The following DNAH14 variants were observed in gnomAD, a reference collection of about 807,000 sequenced individuals.
DNAH14 encodes dynein axonemal heavy chain 14, also known as axonemal beta dynein heavy chain 14.
DNAH14 carries 478 observed loss-of-function variants against 520.9 expected under a neutral mutation model. That is an observed-to-expected ratio of 0.92 (90% CI 0.85 to 0.99). The LOEUF is 0.99. Among genes scored for constraint, DNAH14 ranks in the 50% least tolerant of loss-of-function variants. The pLI is 0.00. For synonymous variants in DNAH14, 1,581 were observed against 1,757.2 expected (o/e 0.90, Z 2.51); for missense variants, 4,831 against 5,234.5 (o/e 0.92, Z 2.38).
At chr1:225,181,493 T>C (rs1375518270) in intron 36 of DNAH14, among the ~76,000 whole-genome samples, 1 of 152,170 alleles carries the variant, frequency 6.6e-6, no homozygotes, top group Non-Finnish European at 1.5e-5. Flanking sequence ...AGCATATGTT[T>C]TTGTTTTACA....
intron 68 of DNAH14, among the ~76,000 whole-genome samples, chr1:225,338,517 C>T (rs994710500): frequency 1.3e-5 from 2 of 151,852 alleles, no homozygotes; most frequent in South Asian, 2.1e-4. Flanking sequence ...TTTATTTGGG[C>T]GAGAAAAGTT....
chr1:225,106,683 G>A (rs577889118), intron 23 of DNAH14, among the ~76,000 whole-genome samples: 1 of 152,258 alleles, frequency 6.6e-6, no homozygotes, highest in Non-Finnish European at 1.5e-5. Flanking sequence ...GGCTACTGAG[G>A]CTTGTGCATT....
intron 17 of DNAH14, among the ~76,000 whole-genome samples, chr1:225,058,785 T>C (rs1337975022): frequency 6.6e-6 from 1 of 152,216 alleles, no homozygotes; most frequent in African/African-American, 2.4e-5. Context: ...CATTTCGTTA[T>C]GTACCCAGTA....
chr1:225,127,004 G>T (rs1265480510), intron 27 of DNAH14, among the ~76,000 whole-genome samples: 1 of 151,424 alleles, frequency 6.6e-6, no homozygotes, highest in Non-Finnish European at 1.5e-5. Context: ...CAGTTTCCAT[G>T]TAGTTGAGCG....
intron 15 of DNAH14, among the ~76,000 whole-genome samples, chr1:225,047,370 A>T (rs1273061597): frequency 6.6e-6 from 1 of 152,180 alleles, no homozygotes; most frequent in Non-Finnish European, 1.5e-5. Flanking sequence ...TGGTTCAATC[A>T]ATGACAGACC....
At chr1:224,955,960 C>T (rs2501064) in intron 3 of DNAH14, among the ~76,000 whole-genome samples, 22,952 of 151,960 alleles carry the variant, frequency 0.15, 3,209 homozygotes, top group African/African-American at 0.36. Context: ...TTCATTCTAC[C>T]GATAAGACTC....
intron 10 of DNAH14, among the ~76,000 whole-genome samples, chr1:225,013,394 G>A (rs1420302375): frequency 2.6e-5 from 4 of 152,174 alleles, no homozygotes; most frequent in Non-Finnish European, 5.9e-5. Flanking sequence ...TGTATGAGGT[G>A]TCTGTCGACC....
chr1:225,207,469 C>G (rs1478028116), intron 41 of DNAH14, among the ~76,000 whole-genome samples: 1 of 152,058 alleles, frequency 6.6e-6, no homozygotes, highest in African/African-American at 2.4e-5. Context: ...TAGAGGGTCT[C>G]TATTAAAGAA....
In DNAH14 at chr1:225,271,997, A is replaced by T. The variant is rs1574432830; in HGVS notation, c.7763A>T (p.Tyr2588Phe). The T allele has an allele frequency of 6.4e-7, 1 of 1,550,782 alleles. No homozygotes were observed. Among genetic ancestry groups the T allele is most frequent in the Middle Eastern group, 1.7e-4 (1 of 5,976 alleles). Residue 2588 changes from tyrosine (Y) to phenylalanine (F), a missense_variant, in exon 51 of 86, where the codon TAC becomes TTC. Physicochemically the swap from Tyr to Phe is conservative, Grantham distance 22. Coordinates refer to ENST00000682510, the MANE Select transcript of DNAH14 (RefSeq NM_001367479.1). Reference sequence around the variant, plus strand: ...ATAATATCTTGTTCCCTAGCTATATACCATCAAGTACGTCAGAATATGTTA... The same window carrying T: ...ATAATATCTTGTTCCCTAGCTATATTCCATCAAGTACGTCAGAATATGTTA... ...DQIISCSLAI[Y>F]HQVRQNMLPT...
rs2067184395 is a variant in DNAH14 at position 225,038,666 on chromosome 1, A to AT, written c.1359-21dup. 4.0e-6 allele frequency: 6 copies of AT among 1,510,100 alleles called. No homozygotes were observed. The South Asian group carries it at 6.6e-5, about 17-fold the overall frequency. The allele number at this position is 1,510,100 out of a possible 1,614,324, so 93.5% of individuals were successfully genotyped here. On this transcript the variant is annotated intron_variant, in intron 11 of 85. Transcript: ENST00000682510. ...TGTAGATATAAATGATTTTTAAATG[A>AT]TTTTTTTCTTCCCATTTCTTAATCC...
At chr1:225,006,352 CAAGG>C (rs1401123047) in intron 9 of DNAH14, among the ~76,000 whole-genome samples, 2 of 152,146 alleles carry the variant, frequency 1.3e-5, no homozygotes, top group Non-Finnish European at 2.9e-5. Flanking sequence ...TTTCAGGAAA[CAAGG>C]GAGATAACCA....
At chr1:225,129,354 C>T (rs1573347507) in intron 27 of DNAH14, among the ~76,000 whole-genome samples, 1 of 151,838 alleles carries the variant, frequency 6.6e-6, no homozygotes, top group South Asian at 2.1e-4. Context: ...GAGCCCGCAT[C>T]ACCAAGTCAA....
intron 64 of DNAH14, among the ~76,000 whole-genome samples, chr1:225,326,418 G>C (rs1050670493): frequency 6.6e-6 from 1 of 152,186 alleles, no homozygotes; most frequent in African/African-American, 2.4e-5. Context: ...CGTGCGGGTA[G>C]AAGCAGAGTC....
chr1:225,274,055 G>A (rs1191610102), intron 52 of DNAH14, among the ~76,000 whole-genome samples: 3 of 151,966 alleles, frequency 2.0e-5, no homozygotes, highest in Non-Finnish European at 2.9e-5. Context: ...CCCACTAATG[G>A]GATTGCTGGG....
intron 34 of DNAH14, among the ~76,000 whole-genome samples, chr1:225,154,744 CAT>C (rs1485331593): frequency 2.0e-5 from 3 of 151,852 alleles, no homozygotes; most frequent in Admixed American, 1.3e-4. Flanking sequence ...CTTGAAGAAA[CAT>C]ATGTCCTTTT....
chr1:225,225,600 C>T (rs577239351), intron 41 of DNAH14, among the ~76,000 whole-genome samples: 26 of 152,184 alleles, frequency 1.7e-4, no homozygotes, highest in African/African-American at 6.0e-4. Flanking sequence ...TGAGTAAAAA[C>T]CCTTCAACAC....
chr1:225,357,200 G>A (rs1159912131), intron 73 of DNAH14, among the ~76,000 whole-genome samples: 1 of 152,018 alleles, frequency 6.6e-6, no homozygotes, highest in Non-Finnish European at 1.5e-5. Context: ...GGACAATGAA[G>A]GAATATAGAC....
chr1:225,274,702 C>A (rs995634164), intron 52 of DNAH14, among the ~76,000 whole-genome samples: 1 of 152,286 alleles, frequency 6.6e-6, no homozygotes, highest in East Asian at 1.9e-4. Context: ...AATGAGCAAG[C>A]AAATACTTAC....
chr1:225,337,564 G>T, intron 67 of DNAH14, 68 bp downstream of exon 67: 1 of 1,282,734 alleles, frequency 7.8e-7, no homozygotes, highest in Non-Finnish European at 1.1e-6. Flanking sequence ...GAGCATAAAG[G>T]CTAAAAGTTT....
Sources: gnomAD v4.1 joint callset for allele counts (sites outside exome capture counted in the v4.1 genomes callset) on GRCh38, gnomAD v4.1.1 for gene constraint, MANE v1.5 for transcripts, NCBI Gene and HGNC (gene_info 2026-07-23, HGNC 2026-07-21) for gene names.